NARF: variants seen among roughly 807,000 people sequenced by gnomAD.
NARF encodes iron-only hydrogenase-like protein 2.
Under a neutral mutation model 48.0 loss-of-function variants are expected in NARF, and 41 were observed. The ratio of observed to expected loss-of-function variants is 0.85; its 90% CI spans 0.66 to 1.11. NARF has a LOEUF of 1.11. Among genes scored for constraint, NARF ranks in the 50% least tolerant of loss-of-function variants. The pLI is 0.00. For missense variants in NARF, 613 were observed against 590.2 expected, an observed-to-expected ratio of 1.04 and a Z score of -0.40; for synonymous variants, 215 against 225.5, an observed-to-expected ratio of 0.95 and a Z score of 0.42.
chr17:82,458,619 A>C, upstream of NARF: 1 of 684,526 alleles, frequency 1.5e-6, no homozygotes. Flanking sequence ...AGGGTGGGGA[A>C]TCCTATTGGC....
intron 6 of NARF, 146 bp downstream of exon 6, chr17:82,479,064 A>G (rs2043901976): frequency 4.6e-6 from 3 of 645,316 alleles, no homozygotes; most frequent in Non-Finnish European, 7.8e-6. Context: ...AGGAAACATC[A>G]GCAGTGCTGT....
intron 7 of NARF, 147 bp downstream of exon 7, chr17:82,481,358 C>G: frequency 8.1e-7 from 1 of 1,230,742 alleles, no homozygotes; most frequent in Non-Finnish European, 1.1e-6. Flanking sequence ...GCTGAGGGTC[C>G]TAGGGGCTTA....
At chr17:82,459,113 CCA>C in intron 1 of NARF, 1 of 1,181,494 alleles carries the variant, frequency 8.5e-7, no homozygotes, top group Non-Finnish European at 1.0e-6. Context: ...GTGCCGCGCA[CCA>C]CAGTCCGAGT....
rs376007910 is a variant in NARF, at chr17:82,484,868, G to A, written c.889G>A (p.Gly297Arg). 2.2e-5 allele frequency: 35 copies of A among 1,612,814 alleles called. No individual in the cohort carries two copies. The highest frequency in any genetic ancestry group is 3.3e-5 in the South Asian group (3 of 90,968). ...VTRHDGASSD[G>R]HLAHIFRHAA... ...GCGTCATGATGGAGCCAGCTCAGAC[G>A]GGCACCTGGCACACATCTTCAGACA... Residue 297 changes from glycine (G) to arginine (R), a missense_variant, in exon 9 of 11, where the codon GGG (glycine) becomes AGG (arginine). Gly to Arg is a moderately radical substitution (Grantham distance 125, BLOSUM62 -2). Transcript: ENST00000309794.
intron 3 of NARF, among the ~76,000 whole-genome samples, chr17:82,466,393 C>T (rs894451130): frequency 2.0e-5 from 3 of 152,082 alleles, no homozygotes; most frequent in Non-Finnish European, 4.4e-5. Flanking sequence ...TTATCTTATG[C>T]TGCTTGTCCA....
intron 10 of NARF, among the ~76,000 whole-genome samples, chr17:82,487,483 CG>C: frequency 7.9e-6 from 1 of 125,792 alleles, no homozygotes. Context: ...GACTCTGTCT[CG>C]AAAAAAAAAA....
chr17:82,459,241 G>T, intron 1 of NARF: 1 of 973,544 alleles, frequency 1.0e-6, no homozygotes, highest in Non-Finnish European at 1.2e-6. Flanking sequence ...GCGGGTGACG[G>T]CTGCTGACCG....
At chr17:82,468,283 C>T (rs1279234191) in intron 3 of NARF, among the ~76,000 whole-genome samples, 1 of 150,842 alleles carries the variant, frequency 6.6e-6, no homozygotes, top group Non-Finnish European at 1.5e-5. Flanking sequence ...TGTACTGTAG[C>T]CTGGGCAACA....
At position 82,488,300 on chromosome 17, in the gene NARF, A is replaced by AC. The variant is rs1567949818; in HGVS notation, c.*147dup. ...CTTTGGTTTCTCCGAGTTCCCTGCT[A>AC]CCCCGTTTATTGGAGGCCCCTCAGG... is the stretch of plus-strand genomic sequence containing the variant. On this transcript the variant is annotated 3_prime_UTR_variant, in exon 11 of 11. Transcript: ENST00000309794. The AC allele has an allele frequency of 7.5e-7, 1 of 1,325,160 alleles. No individual in the cohort carries two copies. Among genetic ancestry groups the AC allele is most frequent in the Non-Finnish European group, 1.0e-6 (1 of 997,730 alleles). The allele number at this position is 1,325,160 out of a possible 1,614,324, so 82.1% of individuals were successfully genotyped here.
At chr17:82,472,512 A>G in intron 4 of NARF, 52 bp from the exon 5 acceptor site, 1 of 1,530,322 alleles carries the variant, frequency 6.5e-7, no homozygotes, top group Non-Finnish European at 8.8e-7. Flanking sequence ...GAAGCCTAAA[A>G]GTAGATCTTT....
At position 82,464,336 on chromosome 17, in the gene NARF, G is replaced by C. The variant is rs974655949; in HGVS notation, c.158G>C (p.Cys53Ser). 1.2e-6 allele frequency: 2 copies of C among 1,613,958 alleles called. No homozygotes were observed. The highest frequency in any genetic ancestry group is 1.7e-6 in the Non-Finnish European group (2 of 1,179,924). ...LADAKIFLSD[C>S]LACDSCMTAE... ...GATGCCAAGATATTTTTGAGCGACT[G>C]CCTGGCATGTGACAGCTGTATGACT... Residue 53 changes from cysteine (C) to serine (S), a missense_variant, in exon 3 of 11, where the codon TGC (cysteine) becomes TCC (serine). Physicochemically the swap from Cys to Ser is moderately radical, Grantham distance 112. Coordinates refer to ENST00000309794, the MANE Select transcript of NARF (RefSeq NM_012336.4).
In NARF at chr17:82,472,944, T is replaced by A. The variant is rs190886289; in HGVS notation, c.520+246T>A. ...TATTTATTTAATTTTATTTTATTTT[T>A]ATTATTTTTTTTTTGAGACAGAGTC... On this transcript the variant is annotated intron_variant, in intron 5 of 10. Transcript: ENST00000309794. 4.0e-3 allele frequency among the ~76,000 whole-genome samples: 600 copies of A among 151,536 alleles called. 8 individuals carry two copies. The highest frequency in any genetic ancestry group is 0.017 in the Middle Eastern group (5 of 294).
intron 7 of NARF, 182 bp from the exon 8 acceptor site, chr17:82,483,534 G>T: frequency 1.7e-6 from 1 of 580,112 alleles, no homozygotes; most frequent in East Asian, 3.0e-5. Flanking sequence ...TTCTGCTTAC[G>T]TTTTATTAGT....
chr17:82,460,224 G>T, intron 2 of NARF, 152 bp downstream of exon 2: 2 of 602,006 alleles, frequency 3.3e-6, no homozygotes, highest in Non-Finnish European at 5.7e-6. Context: ...CAGCACTTTG[G>T]GAGGCCGAGG....
intron 4 of NARF, among the ~76,000 whole-genome samples, chr17:82,469,927 G>A (rs138486176): frequency 2.4e-4 from 36 of 150,946 alleles, no homozygotes; most frequent in Admixed American, 1.2e-3. Context: ...ATTCTACAGC[G>A]GCTTTTAAAA....
At chr17:82,476,220 C>G (rs1288694666) in intron 5 of NARF, among the ~76,000 whole-genome samples, 2 of 152,158 alleles carry the variant, frequency 1.3e-5, no homozygotes, top group Non-Finnish European at 2.9e-5. Flanking sequence ...TTTGGTCAGG[C>G]TGGTCTCAAA....
Position 82,488,368 on chromosome 17 carries a change from A to T in NARF, c.*211A>T. 1 of 700,966 alleles carries T rather than the reference A, an allele frequency of 1.4e-6. No individual in the cohort carries two copies. Among genetic ancestry groups the T allele is most frequent in the Non-Finnish European group, 2.2e-6 (1 of 463,996 alleles). 43.4% of individuals were successfully genotyped at this position (700,966 alleles called of 1,614,324 possible). A position where few individuals can be genotyped will look rare whatever the true frequency, so the allele number is the denominator to read the frequency against. On this transcript the variant is annotated 3_prime_UTR_variant, in exon 11 of 11. Coordinates refer to ENST00000309794, the MANE Select transcript of NARF (RefSeq NM_012336.4). Reference sequence around the variant, plus strand: ...ATCTTCATAATAGGTGTGGGATTGGAACTTTTTTTTTCTTTTTTTTTTTTT... The same window carrying T: ...ATCTTCATAATAGGTGTGGGATTGGTACTTTTTTTTTCTTTTTTTTTTTTT...
At chr17:82,485,223 C>T (rs1247308960) in intron 9 of NARF, among the ~76,000 whole-genome samples, 2 of 152,084 alleles carry the variant, frequency 1.3e-5, no homozygotes, top group Non-Finnish European at 1.5e-5. Flanking sequence ...AGATCGAGAC[C>T]ATCCTGGCTA....
upstream of NARF, chr17:82,458,713 C>T: frequency 7.1e-7 from 1 of 1,415,498 alleles, no homozygotes; most frequent in Non-Finnish European, 9.2e-7. Context: ...GGGAGGACAA[C>T]AAAGGGCCGC....
Sources: gnomAD v4.1 joint callset for allele counts (sites outside exome capture counted in the v4.1 genomes callset) on GRCh38, gnomAD v4.1.1 for gene constraint, MANE v1.5 for transcripts, NCBI Gene and HGNC (gene_info 2026-07-23, HGNC 2026-07-21) for gene names.